The following BIRC2 variants were observed in gnomAD, a reference collection of about 807,000 sequenced individuals.
BIRC2 encodes the protein baculoviral IAP repeat-containing protein 2.
In BIRC2, 18 loss-of-function variants were observed where a neutral mutation model predicts 60.9. The ratio of observed to expected loss-of-function variants is 0.30; its 90% CI spans 0.20 to 0.44. The LOEUF (loss-of-function observed/expected upper bound fraction) is 0.44. Ranked by LOEUF, BIRC2 falls within the 20% of genes least tolerant of loss-of-function variation. The probability of loss-of-function intolerance (pLI) is 1.00; values close to 1 mark genes in which losing one functional copy is unlikely to be tolerated. For missense variants in BIRC2, 701 were observed against 728.5 expected (o/e 0.96, Z 0.43); for synonymous variants, 282 against 247.7 (o/e 1.14, Z -1.30).
chr11:102,366,171 C>T (rs1286229446), intron 5 of BIRC2, among the ~76,000 whole-genome samples: 1 of 152,180 alleles, frequency 6.6e-6, no homozygotes, highest in Non-Finnish European at 1.5e-5. Flanking sequence ...CATTCTTCAT[C>T]CCTCAGATTT....
rs748070363 is a variant in BIRC2 at position 102,378,189 on chromosome 11, AAT to A, written c.*8_*9del. 7 of 1,574,140 alleles carry A rather than the reference AAT, an allele frequency of 4.4e-6. No homozygotes were observed. In the East Asian group the frequency reaches 1.3e-4, roughly 30 times the overall value. On this transcript the variant is annotated 3_prime_UTR_variant, in exon 9 of 9. Transcript: ENST00000227758. ...TTCGTACATTTCTCTCTTAAAGAAA[AAT>A]AGTCTATATTTTAACCTGCATAAAA...
At chr11:102,364,174 T>TACACACACACACACAC (rs376590420) in intron 5 of BIRC2, among the ~76,000 whole-genome samples, 24 of 78,106 alleles carry the variant, frequency 3.1e-4, no homozygotes, top group African/African-American at 1.4e-3. Context: ...TATATATATA[T>TACACACACACACACAC]ACACACACAC....
chr11:102,357,622 G>T (rs1354498753), intron 3 of BIRC2, among the ~76,000 whole-genome samples: 1 of 152,052 alleles, frequency 6.6e-6, no homozygotes, highest in Non-Finnish European at 1.5e-5. Context: ...TTGCGTTTCT[G>T]TGTTATCAAT....
At chr11:102,362,095 A>C (rs1951491038) in intron 3 of BIRC2, among the ~76,000 whole-genome samples, 1 of 152,102 alleles carries the variant, frequency 6.6e-6, no homozygotes, top group South Asian at 2.1e-4. Flanking sequence ...CTTTTGTGGA[A>C]TATGTTTTTG....
At position 102,364,775 on chromosome 11, in the gene BIRC2, T is replaced by C. The variant is rs527590219; in HGVS notation, c.1123+1059T>C. On this transcript the variant is annotated intron_variant, in intron 5 of 8. Transcript: ENST00000227758. ...GATGAAGGATTTGGTAGTATTTGAC[T>C]GGAAAATAGGAAGGAGAGTACTGGA... is the stretch of plus-strand genomic sequence containing the variant. 8.0e-4 allele frequency among the ~76,000 whole-genome samples: 118 copies of C among 147,830 alleles called. 2 individuals carry two copies. The highest frequency in any genetic ancestry group is 4.0e-4 in the Admixed American group (5 of 12,440).
intron 6 of BIRC2, among the ~76,000 whole-genome samples, chr11:102,372,327 C>G (rs1591542476): frequency 6.6e-6 from 1 of 152,184 alleles, no homozygotes; most frequent in East Asian, 1.9e-4. Context: ...TTTCCCTCTA[C>G]ACACTGCTTT....
intron 1 of BIRC2, among the ~76,000 whole-genome samples, chr11:102,348,014 C>T (rs762597586): frequency 1.3e-5 from 2 of 152,070 alleles, no homozygotes; most frequent in African/African-American, 4.8e-5. Flanking sequence ...GTCGTAGTGC[C>T]GGAGCCACTG....
rs35001840 is a variant in BIRC2, at chr11:102,366,044, A to AT, written c.1124-2259dup. The stretch of plus-strand genomic sequence containing the variant: ...GAGTACCCCTCATAGCTCAGCTTAA[A>AT]TTTATTTCTCCATTTCCTGAGCCCC... On this transcript the variant is annotated intron_variant, in intron 5 of 8. Coordinates refer to ENST00000227758, the MANE Select transcript of BIRC2 (RefSeq NM_001166.5). Among the ~76,000 whole-genome samples, 1,378 of 152,202 alleles carry AT rather than the reference A, an allele frequency of 9.1e-3. 31 individuals carry two copies. Among genetic ancestry groups the AT allele is most frequent in the African/African-American group, 0.031 (1,292 of 41,520 alleles).
intron 6 of BIRC2, among the ~76,000 whole-genome samples, chr11:102,373,655 C>T (rs1451315762): frequency 6.6e-6 from 1 of 150,902 alleles, no homozygotes; most frequent in Non-Finnish European, 1.5e-5. Flanking sequence ...CTTGGAGTTG[C>T]TCTTCTCGAG....
At chr11:102,369,486 A>G (rs939858198) in intron 6 of BIRC2, among the ~76,000 whole-genome samples, 38 of 151,402 alleles carry the variant, frequency 2.5e-4, no homozygotes, top group African/African-American at 9.0e-4. Flanking sequence ...CCTACAAAGG[A>G]CACGAACTCA....
At chr11:102,347,656 T>C (rs1951308131) in intron 1 of BIRC2, 1 of 152,268 alleles carries the variant, frequency 6.6e-6, no homozygotes, top group Non-Finnish European at 1.5e-5. Flanking sequence ...CCTTGGACTT[T>C]GACCAAGATG....
intron 3 of BIRC2, among the ~76,000 whole-genome samples, chr11:102,353,494 T>G (rs1951385963): frequency 6.6e-6 from 1 of 152,070 alleles, no homozygotes; most frequent in Non-Finnish European, 1.5e-5. Context: ...GTTTTTGTAT[T>G]TTTAGTAGAG....
At position 102,375,125 on chromosome 11, in the gene BIRC2, T is replaced by C. The variant is rs151077251; in HGVS notation, c.1367-2371T>C. 2.1e-3 allele frequency among the ~76,000 whole-genome samples: 326 copies of C among 152,354 alleles called. 1 individual carries two copies. Among genetic ancestry groups the C allele is most frequent in the African/African-American group, 7.7e-3 (320 of 41,584 alleles). On this transcript the variant is annotated intron_variant, in intron 6 of 8. Transcript: ENST00000227758. Reference sequence around the variant, plus strand: ...GATGGAAATGCAGAAATCACCCGTCTTGTGCGTCGCTCACGCTGGGAGCTG... The same window carrying C: ...GATGGAAATGCAGAAATCACCCGTCCTGTGCGTCGCTCACGCTGGGAGCTG...
chr11:102,357,241 AT>A (rs1951432983), intron 3 of BIRC2, among the ~76,000 whole-genome samples: 1 of 150,402 alleles, frequency 6.6e-6, no homozygotes, highest in African/African-American at 2.4e-5. Flanking sequence ...GTTTGGAAGT[AT>A]TCCCCCCTCC....
In BIRC2 at chr11:102,362,910, T is replaced by C; in HGVS notation, c.1010T>C (p.Ile337Thr). 3.7e-6 allele frequency: 6 copies of C among 1,612,638 alleles called. No homozygotes were observed. Among genetic ancestry groups the C allele is most frequent in the Non-Finnish European group, 5.1e-6 (6 of 1,179,044 alleles). The change falls in exon 4 of 9, where the codon ATA becomes ACA. Residue 337 changes from isoleucine to threonine, a missense_variant. Around this residue, in one of 4 missense-constraint regions of BIRC2, gnomAD observed 39 missense variants for 69.8 expected, o/e 0.56. Coordinates refer to ENST00000227758, the MANE Select transcript of BIRC2 (RefSeq NM_001166.5). ...AKWFPRCEFL[I>T]RMKGQEFVDE... The stretch of plus-strand genomic sequence containing the variant: ...ATATGTTTTAGGTGTGAGTTCTTGA[T>C]ACGAATGAAAGGCCAAGAGTTTGTT...
intron 6 of BIRC2, among the ~76,000 whole-genome samples, chr11:102,375,920 A>G (rs908263549): frequency 6.6e-6 from 1 of 151,840 alleles, no homozygotes; most frequent in Non-Finnish European, 1.5e-5. Flanking sequence ...TAAATGAGAT[A>G]TTGCAAATAA....
intron 3 of BIRC2, among the ~76,000 whole-genome samples, chr11:102,358,547 A>G (rs1434763203): frequency 2.6e-5 from 4 of 152,318 alleles, no homozygotes; most frequent in Middle Eastern, 3.4e-3. Context: ...TGACCCATCC[A>G]TTATTGAAAG....
intron 3 of BIRC2, among the ~76,000 whole-genome samples, chr11:102,362,514 T>C (rs1951496444): frequency 1.3e-5 from 2 of 152,230 alleles, no homozygotes; most frequent in South Asian, 4.1e-4. Context: ...GCAGTTATTG[T>C]ATTGTGAAAG....
chr11:102,367,218 G>A (rs1004114727), intron 5 of BIRC2, among the ~76,000 whole-genome samples: 10 of 151,922 alleles, frequency 6.6e-5, no homozygotes, highest in Non-Finnish European at 7.4e-5. Context: ...AGTTTAGTTC[G>A]TTTGTATATT....
Sources: allele counts gnomAD v4.1 joint callset (sites outside exome capture counted in the v4.1 genomes callset), GRCh38; gene constraint gnomAD v4.1.1; regional missense constraint gnomAD v4.1.1; transcripts MANE v1.5; gene names NCBI Gene and HGNC (gene_info 2026-07-23, HGNC 2026-07-21).